Variants in ZNF385D observed in about 807,000 individuals in gnomAD.
The protein encoded by ZNF385D is zinc finger protein 659.
A neutral mutation model predicts 35.8 loss-of-function variants in ZNF385D; 15 were observed. The ratio of observed to expected loss-of-function variants is 0.42; its 90% CI spans 0.28 to 0.64. The LOEUF is 0.64. Among genes scored for constraint, ZNF385D ranks in the 30% least tolerant of loss-of-function variants. ZNF385D has a pLI of 0.23. For missense variants in ZNF385D, 474 were observed against 494.6 expected (o/e 0.96, Z 0.39); for synonymous variants, 212 against 186.8 (o/e 1.13, Z -1.10).
chr3:21,975,924 G>C (rs1703591579), intron 3 of ZNF385D, among the ~76,000 whole-genome samples: 1 of 152,026 alleles, frequency 6.6e-6, no homozygotes, highest in South Asian at 2.1e-4. Flanking sequence ...CAAGTGTGTT[G>C]AAAAAAGCCA....
chr3:22,249,191 C>G (rs1699941083), intron 2 of ZNF385D, among the ~76,000 whole-genome samples: 1 of 152,134 alleles, frequency 6.6e-6, no homozygotes, highest in African/African-American at 2.4e-5. Context: ...TTCTTAGCAT[C>G]CATGAGCATA....
intron 3 of ZNF385D, among the ~76,000 whole-genome samples, chr3:21,809,327 T>A (rs908833088): frequency 6.6e-6 from 1 of 151,936 alleles, no homozygotes; most frequent in Admixed American, 6.6e-5. Flanking sequence ...TAGGTAAATA[T>A]AAAAGACTAT....
intron 3 of ZNF385D, among the ~76,000 whole-genome samples, chr3:22,155,215 T>C (rs1258277182): frequency 2.0e-5 from 3 of 152,052 alleles, no homozygotes; most frequent in Non-Finnish European, 4.4e-5. Context: ...TAAAAAGATC[T>C]ATGTGAGAGA....
chr3:21,757,278 G>C (rs1483230226), intron 3 of ZNF385D, among the ~76,000 whole-genome samples: 2 of 151,986 alleles, frequency 1.3e-5, no homozygotes, highest in South Asian at 4.2e-4. Flanking sequence ...CTTCAGCTGG[G>C]ACTACAGGAG....
intron 1 of ZNF385D, among the ~76,000 whole-genome samples, chr3:21,721,084 A>G (rs1191699603): frequency 6.6e-6 from 1 of 151,350 alleles, no homozygotes; most frequent in Non-Finnish European, 1.5e-5. Context: ...TCTTTTTTCT[A>G]GTGGACAAAG....
chr3:22,039,301 T>G (rs1314355375), intron 3 of ZNF385D, among the ~76,000 whole-genome samples: 1 of 150,804 alleles, frequency 6.6e-6, no homozygotes, highest in East Asian at 1.9e-4. Context: ...GGCTCATTGT[T>G]AGGGGCAGAT....
At chr3:21,822,252 A>G (rs1047876267) in intron 3 of ZNF385D, among the ~76,000 whole-genome samples, 25 of 151,602 alleles carry the variant, frequency 1.6e-4, no homozygotes, top group African/African-American at 5.8e-4. Flanking sequence ...TTTTGTATTT[A>G]TAGTAGAGGC....
chr3:22,058,877 C>CT (rs1699549437), intron 3 of ZNF385D, among the ~76,000 whole-genome samples: 1 of 152,172 alleles, frequency 6.6e-6, no homozygotes, highest in African/African-American at 2.4e-5. Flanking sequence ...CACTATCCAC[C>CT]TCCATAGCAA....
intron 3 of ZNF385D, among the ~76,000 whole-genome samples, chr3:22,011,393 C>T (rs924607572): frequency 1.3e-5 from 2 of 151,874 alleles, no homozygotes; most frequent in African/African-American, 2.4e-5. Flanking sequence ...GTAAACTGTC[C>T]CAAGAGTGAA....
intron 3 of ZNF385D, among the ~76,000 whole-genome samples, chr3:21,513,756 T>A (rs879616167): frequency 6.6e-6 from 1 of 152,144 alleles, no homozygotes; most frequent in Non-Finnish European, 1.5e-5. Context: ...TTCTTTATCA[T>A]TGACTTTTAG....
At chr3:22,044,240 A>T (rs1266963149) in intron 3 of ZNF385D, among the ~76,000 whole-genome samples, 1 of 151,994 alleles carries the variant, frequency 6.6e-6, no homozygotes, top group Non-Finnish European at 1.5e-5. Flanking sequence ...TTGTTTGTTT[A>T]CTCAAAGGTG....
At chr3:21,871,399 C>A (rs1457139500) in intron 3 of ZNF385D, among the ~76,000 whole-genome samples, 3 of 152,122 alleles carry the variant, frequency 2.0e-5, no homozygotes, top group Non-Finnish European at 2.9e-5. Context: ...AATATTAATA[C>A]TATTGAAAAT....
intron 3 of ZNF385D, among the ~76,000 whole-genome samples, chr3:21,778,807 C>G (rs1223312092): frequency 6.6e-6 from 1 of 151,902 alleles, no homozygotes; most frequent in African/African-American, 2.4e-5. Context: ...GTTTGATAAA[C>G]AGCCACAAAC....
chr3:22,101,907 A>C (rs984783298), intron 3 of ZNF385D, among the ~76,000 whole-genome samples: 2 of 151,634 alleles, frequency 1.3e-5, no homozygotes, highest in Non-Finnish European at 2.9e-5. Flanking sequence ...AAAGTGATTT[A>C]CTCAAGTAAC....
At chr3:22,156,472 A>G (rs1224790859) in intron 3 of ZNF385D, among the ~76,000 whole-genome samples, 3 of 151,822 alleles carry the variant, frequency 2.0e-5, no homozygotes, top group African/African-American at 7.3e-5. Context: ...AGCTAGGTTT[A>G]GAGAGAGAGA....
chr3:22,026,732 C>T (rs1000608119), intron 3 of ZNF385D, among the ~76,000 whole-genome samples: 1 of 152,156 alleles, frequency 6.6e-6, no homozygotes, highest in African/African-American at 2.4e-5. Flanking sequence ...ATTAGAGCTG[C>T]CTCTACCTAG....
At chr3:22,032,082 T>C (rs9869066) in intron 3 of ZNF385D, among the ~76,000 whole-genome samples, 5,092 of 152,298 alleles carry the variant, frequency 0.033, 296 homozygotes, top group African/African-American at 0.12. Context: ...CTCATCTCCA[T>C]CTGAGACCAC....
intron 2 of ZNF385D, among the ~76,000 whole-genome samples, chr3:21,657,456 A>G (rs1430206603): frequency 6.6e-6 from 1 of 151,966 alleles, no homozygotes; most frequent in Non-Finnish European, 1.5e-5. Context: ...GGACTCAGCA[A>G]ACATGCTTAG....
chr3:21,932,963 A>G (rs944388405), intron 3 of ZNF385D, among the ~76,000 whole-genome samples: 1 of 152,172 alleles, frequency 6.6e-6, no homozygotes, highest in Admixed American at 6.5e-5. Flanking sequence ...GCAAAGCTAG[A>G]GCAGGTGTAT....
Sources: gnomAD v4.1 joint callset for allele counts (sites outside exome capture counted in the v4.1 genomes callset) on GRCh38, gnomAD v4.1.1 for gene constraint, MANE v1.5 for transcripts, NCBI Gene and HGNC (gene_info 2026-07-23, HGNC 2026-07-21) for gene names.